Variants in HEATR1 observed in about 807,000 individuals in gnomAD.
HEATR1 encodes the protein HEAT repeat containing 1.
Under a neutral mutation model 248.2 loss-of-function variants are expected in HEATR1, and 77 were observed. That is an observed-to-expected ratio of 0.31 (90% CI 0.26 to 0.37). The LOEUF is 0.37. Among genes scored for constraint, HEATR1 ranks in the 10% least tolerant of loss-of-function variants. HEATR1 has a pLI of 1.00. For missense variants in HEATR1, 2,420 were observed against 2,504.9 expected (o/e 0.97, Z 0.72); for synonymous variants, 897 against 923.1 (o/e 0.97, Z 0.51).
rs767718178 is a variant in HEATR1 at position 236,558,328 on chromosome 1, T to C, written c.5113A>G (p.Lys1705Glu). The change falls in exon 36 of 45, where the codon AAG becomes GAG. Residue 1705 changes from lysine to glutamate, a missense_variant. Lys to Glu is a moderately conservative substitution (Grantham distance 56). Coordinates refer to ENST00000366582, the MANE Select transcript of HEATR1 (RefSeq NM_018072.6). ...TAVKLIAPER[K>E]EEKNVLGSAL... is the part of the protein sequence containing the mutation. ...CTTCCCAGGACATTCTTCTCCTCCT[T>C]TCTCTCTGGAGCAATCAGTTTCACA... 1.2e-6 allele frequency: 2 copies of C among 1,614,158 alleles called. No homozygotes were observed. Among genetic ancestry groups the C allele is most frequent in the South Asian group, 2.2e-5 (2 of 91,084 alleles).
At position 236,583,002 on chromosome 1, in the gene HEATR1, T is replaced by C. The variant is rs1290285806; in HGVS notation, c.2425+11A>G. ...GTATCACATTTAAAAGATTCACAGC[T>C]TGTATCTTACCTTTAGGAAAAGATT... is the stretch of plus-strand genomic sequence containing the variant. On this transcript the variant is annotated intron_variant, in intron 18 of 44. Transcript: ENST00000366582. 1.9e-6 allele frequency: 3 copies of C among 1,612,356 alleles called. No homozygotes were observed. The highest frequency in any genetic ancestry group is 4.5e-5 in the East Asian group (2 of 44,894).
In HEATR1 at chr1:236,587,172, G is replaced by C. The variant is rs142968105; in HGVS notation, c.1715+230C>G. Among the ~76,000 whole-genome samples the C allele has an allele frequency of 2.5e-3, 385 of 152,006 alleles. 12 individuals are homozygous for C. In the East Asian group the frequency reaches 0.055, roughly 22 times the overall value. On this transcript the variant is annotated intron_variant, in intron 14 of 44. Transcript: ENST00000366582. ...TATCATACATTATATACTTCCTTTTGCATTTTATTAAGAGAAATTCCAAAC... is the reference window on the plus strand; with the variant it reads ...TATCATACATTATATACTTCCTTTTCCATTTTATTAAGAGAAATTCCAAAC...
At chr1:236,583,488 T>C (rs958327623) in intron 17 of HEATR1, among the ~76,000 whole-genome samples, 1 of 40,496 alleles carries the variant, frequency 2.5e-5, no homozygotes, top group African/African-American at 4.6e-5. Context: ...ATATTTCTTT[T>C]TTTTTTTTTT....
At chr1:236,597,845 TA>T in intron 5 of HEATR1, 32 bp downstream of exon 5, 1 of 1,384,496 alleles carries the variant, frequency 7.2e-7, no homozygotes, top group Non-Finnish European at 1.0e-6. Context: ...AATCTTTTCA[TA>T]AAATTATATA....
chr1:236,574,791 T>C lies in HEATR1; in HGVS notation c.3197A>G (p.Lys1066Arg), dbSNP rs1255787329. Residue 1066 changes from lysine (K) to arginine (R), a missense_variant, in exon 23 of 45, where the codon AAG (lysine) becomes AGG (arginine). Coordinates refer to ENST00000366582, the MANE Select transcript of HEATR1 (RefSeq NM_018072.6). ...EAMVLHLTLG[K>R]YNEFSVSLLN... is the part of the protein sequence containing the mutation. ...AAGGGAAACTGAAAATTCATTATAC[T>C]TTCCCAGAGTGAGATGCAGAACCAT... 1.2e-6 allele frequency: 2 copies of C among 1,613,922 alleles called. No individual in the cohort carries two copies. Among genetic ancestry groups the C allele is most frequent in the Admixed American group, 1.7e-5 (1 of 60,002 alleles).
At chr1:236,595,432 C>G (rs1453016709) in intron 8 of HEATR1, 108 bp downstream of exon 8, 6 of 924,284 alleles carry the variant, frequency 6.5e-6, no homozygotes, top group Non-Finnish European at 9.3e-6. Context: ...ACAAGAACAA[C>G]TGGAAAACAG....
intron 29 of HEATR1, among the ~76,000 whole-genome samples, chr1:236,567,867 A>G (rs1663316327): frequency 6.6e-6 from 1 of 152,220 alleles, no homozygotes; most frequent in Non-Finnish European, 1.5e-5. Context: ...GAATGAAGAT[A>G]AGCAGAGCAC....
At chr1:236,603,553 T>G (rs1361644752) in intron 2 of HEATR1, among the ~76,000 whole-genome samples, 177 bp from the exon 3 acceptor site, 1 of 151,810 alleles carries the variant, frequency 6.6e-6, no homozygotes, top group Non-Finnish European at 1.5e-5. Flanking sequence ...AAATCCTATC[T>G]CATCTACTAG....
chr1:236,596,630 T>C (rs532499706), intron 6 of HEATR1, among the ~76,000 whole-genome samples: 57 of 152,198 alleles, frequency 3.7e-4, no homozygotes, highest in African/African-American at 1.3e-3. Flanking sequence ...AGACAGCCAA[T>C]ATTTATTCTT....
At chr1:236,582,144 G>A (rs1178867108) in intron 19 of HEATR1, among the ~76,000 whole-genome samples, 4 of 151,340 alleles carry the variant, frequency 2.6e-5, no homozygotes, top group South Asian at 2.1e-4. Flanking sequence ...TCGCTCTGTC[G>A]CCCAGGCTGG....
chr1:236,591,043 T>C (rs985079877), intron 11 of HEATR1, 89 bp from the exon 12 acceptor site: 5 of 542,588 alleles, frequency 9.2e-6, no homozygotes, highest in African/African-American at 7.9e-5. Context: ...CCACCCCAAA[T>C]TGCCCAACAT....
chr1:236,583,091 C>A lies in HEATR1; in HGVS notation c.2347G>T (p.Val783Leu). 2 of 1,614,150 alleles carry A rather than the reference C, an allele frequency of 1.2e-6. No homozygotes were observed. The highest frequency in any genetic ancestry group is 8.5e-7 in the Non-Finnish European group (1 of 1,179,988). The change falls in exon 18 of 45, where the codon GTG becomes TTG. Residue 783 changes from valine (V) to leucine (L), a missense_variant. Transcript: ENST00000366582. ...AATACAAGAAAAACCGAGTCCTCCA[C>A]GGCCACCCTCTGAGTGCTGTTGAGC... ...EELNSTQRVA[V>L]EDSVFLVFSL...
rs1662967497 is a variant in HEATR1 at position 236,556,084 on chromosome 1, C to A, written c.5514+16G>T. The A allele has an allele frequency of 1.2e-6, 2 of 1,613,910 alleles. No homozygotes were observed. Among genetic ancestry groups the A allele is most frequent in the East Asian group, 4.5e-5 (2 of 44,896 alleles). On this transcript the variant is annotated intron_variant, in intron 38 of 44. Coordinates refer to ENST00000366582, the MANE Select transcript of HEATR1 (RefSeq NM_018072.6). ...CTCTCCCTTCTCCAAAGTCTTAATA[C>A]CCAATAAGATCTAACCTTCCAGTTC... is the stretch of plus-strand genomic sequence containing the variant.
chr1:236,582,265 C>T (rs1241977726), intron 19 of HEATR1, among the ~76,000 whole-genome samples: 2 of 151,892 alleles, frequency 1.3e-5, no homozygotes, highest in South Asian at 2.1e-4. Context: ...CCACCACACC[C>T]GGCTAATTTT....
In HEATR1 at chr1:236,574,744, G is replaced by T; in HGVS notation, c.3244C>A (p.Leu1082Ile). The T allele has an allele frequency of 1.2e-6, 2 of 1,613,654 alleles. No individual in the cohort carries two copies. Among genetic ancestry groups the T allele is most frequent in the South Asian group, 1.1e-5 (1 of 91,056 alleles). Residue 1082 changes from leucine (L) to isoleucine (I), a missense_variant, in exon 23 of 45, where the codon CTA (leucine) becomes ATA (isoleucine). By Grantham distance (5) the Leu-to-Ile change is conservative. Coordinates refer to ENST00000366582, the MANE Select transcript of HEATR1 (RefSeq NM_018072.6). ...TGCACAGCTTTTATAAATATATCTAGACTCTTCGGATCCTCATTTAAAAGG... is the reference window on the plus strand; with the variant it reads ...TGCACAGCTTTTATAAATATATCTATACTCTTCGGATCCTCATTTAAAAGG... ...VSLLNEDPKS[L>I]DIFIKAVHTT...
chr1:236,595,767 A>G, intron 7 of HEATR1, 66 bp downstream of exon 7: 2 of 1,514,126 alleles, frequency 1.3e-6, no homozygotes, highest in South Asian at 2.4e-5. Flanking sequence ...TCTTACAAAA[A>G]AAAATTATTC....
intron 37 of HEATR1, 122 bp from the exon 38 acceptor site, chr1:236,556,380 C>G (rs1163377954): frequency 3.9e-6 from 4 of 1,014,852 alleles, no homozygotes; most frequent in Non-Finnish European, 5.8e-6. Flanking sequence ...TTTTTAACTA[C>G]ACACAGAATT....
Position 236,571,361 on chromosome 1 carries a change from C to A in HEATR1, c.3938G>T (p.Gly1313Val), listed in dbSNP as rs1054265331. The change falls in exon 28 of 45, where the codon GGA becomes GTA. Residue 1313 changes from glycine to valine, a missense_variant. Physicochemically the swap from Gly to Val is moderately radical, Grantham distance 109 (BLOSUM62 -3). Transcript: ENST00000366582. ...HALLLLGTVA[G>V]IFPDKVLHNI... Reference sequence around the variant, plus strand: ...ATCATTAACGCTTACCGGAAATATTCCAGCAACAGTGCCCAAAAGTAAAAG... The same window carrying A: ...ATCATTAACGCTTACCGGAAATATTACAGCAACAGTGCCCAAAAGTAAAAG... The A allele has an allele frequency of 1.3e-6, 2 of 1,592,440 alleles. No homozygotes were observed. The highest frequency in any genetic ancestry group is 2.7e-5 in the African/African-American group (2 of 73,338).
intron 32 of HEATR1, among the ~76,000 whole-genome samples, chr1:236,563,955 A>AAAAGTTTT (rs1663204745): frequency 6.6e-6 from 1 of 152,144 alleles, no homozygotes; most frequent in Non-Finnish European, 1.5e-5. Flanking sequence ...TCTCTATAAA[A>AAAAGTTTT]AAAGTTTTAA....
Sources: allele counts gnomAD v4.1 joint callset (sites outside exome capture counted in the v4.1 genomes callset), GRCh38; gene constraint gnomAD v4.1.1; transcripts MANE v1.5; gene names NCBI Gene and HGNC (gene_info 2026-07-23, HGNC 2026-07-21).